Variants in AVIL observed in about 807,000 individuals in gnomAD.
AVIL encodes the protein advillin.
In AVIL, 78 loss-of-function variants were observed where a neutral mutation model predicts 109.9. That is an observed-to-expected ratio of 0.71 (90% confidence interval 0.59 to 0.86). The LOEUF is 0.86. Ranked by LOEUF, AVIL falls within the 40% of genes least tolerant of loss-of-function variation. The pLI is 0.00. For synonymous variants in AVIL, 367 were observed against 379.1 expected, an observed-to-expected ratio of 0.97 and a Z score of 0.37; for missense variants, 892 against 1,016.5, an observed-to-expected ratio of 0.88 and a Z score of 1.67.
Position 57,803,661 on chromosome 12 carries a change from A to G in AVIL, c.1680T>C (p.Ser560=), listed in dbSNP as rs751316029. 1.2e-6 allele frequency: 2 copies of G among 1,613,856 alleles called. No homozygotes were observed. The highest frequency in any genetic ancestry group is 4.5e-5 in the East Asian group (2 of 44,888). Residue 560 remains serine, a synonymous_variant, in exon 15 of 20, where the codon AGT becomes AGC. Coordinates refer to ENST00000549994, the MANE Select transcript of AVIL (RefSeq NM_006576.4). ...EHYLWYGKGS[S]GDERAMAKEL... ...CCTTAGCCATTGCCCGCTCATCCCC[A>G]CTAGACCCCTGAGAGTGGGGCGAGG...
chr12:57,803,580 C>T lies in AVIL; in HGVS notation c.1761G>A (p.Glu587=), dbSNP rs142606117. Residue 587 remains glutamate, a synonymous_variant, in exon 15 of 20, where the codon GAG becomes GAA. Transcript: ENST00000549994. ...GSENTVAEGQ[E]PAEFWDLLGG... is the part of the protein sequence containing the mutation. Reference sequence around the variant, plus strand: ...CCAGTAGGTCCCAGAACTCGGCTGGCTCCTGGCCCTCGGCCACAGTGTTCT... The same window carrying T: ...CCAGTAGGTCCCAGAACTCGGCTGGTTCCTGGCCCTCGGCCACAGTGTTCT... The T allele has an allele frequency of 0.01, 16,370 of 1,614,176 alleles. 104 individuals carry two copies. Among genetic ancestry groups the T allele is most frequent in the Non-Finnish European group, 0.013 (14,783 of 1,180,026 alleles).
chr12:57,798,010 A>C lies in AVIL; in HGVS notation c.2347-15T>G. On this transcript the variant is annotated splice_polypyrimidine_tract_variant and intron_variant, in intron 19 of 19. Coordinates refer to ENST00000549994, the MANE Select transcript of AVIL (RefSeq NM_006576.4). ...GAGAGGTAATTCTAAGAGAGAAAAC[A>C]AAGTTTCTAGTTAGAAGGAAGACAT... 6.4e-7 allele frequency: 1 copy of C among 1,557,490 alleles called. No individual in the cohort carries two copies. The highest frequency in any genetic ancestry group is 1.4e-5 in the African/African-American group (1 of 72,708).
chr12:57,806,244 G>T, intron 14 of AVIL, 116 bp downstream of exon 14: 1 of 1,106,558 alleles, frequency 9.0e-7, no homozygotes, highest in Non-Finnish European at 1.4e-6. Flanking sequence ...TAGTATATGT[G>T]CTGCCAAAGC....
intron 14 of AVIL, chr12:57,806,120 C>T: frequency 2.2e-6 from 1 of 444,620 alleles, no homozygotes; most frequent in South Asian, 2.4e-5. Context: ...CAGGGATGAG[C>T]CACCGTGCCC....
rs139933127 is a variant in AVIL, at chr12:57,802,312, C to T, written c.1999G>A (p.Glu667Lys). ...LWIGAEANAT[E>K]KESALATAQQ... is the part of the protein sequence containing the mutation. Reference sequence around the variant, plus strand: ...GCTGTGGCAAGGGCACTCTCCTTCTCCGTGGCATTGGCCTCAGCCCCAATC... The same window carrying T: ...GCTGTGGCAAGGGCACTCTCCTTCTTCGTGGCATTGGCCTCAGCCCCAATC... Residue 667 changes from glutamate (E) to lysine (K), a missense_variant, in exon 17 of 20, where the codon GAG (glutamate) becomes AAG (lysine). Physicochemically the swap from Glu to Lys is moderately conservative, Grantham distance 56. Coordinates refer to ENST00000549994, the MANE Select transcript of AVIL (RefSeq NM_006576.4). 342 of 1,613,778 alleles carry T rather than the reference C, an allele frequency of 2.1e-4. 1 individual carries two copies. The highest frequency in any genetic ancestry group is 3.5e-4 in the Admixed American group (21 of 59,948).
Position 57,808,480 on chromosome 12 carries a change from C to T in AVIL, c.1008G>A (p.Ser336=), listed in dbSNP as rs1955987855. The T allele has an allele frequency of 9.3e-6, 15 of 1,614,108 alleles. No individual in the cohort carries two copies. Among genetic ancestry groups the T allele is most frequent in the Non-Finnish European group, 1.3e-5 (15 of 1,180,020 alleles). ...TCTGGAACAGCTGCTTGAACATGGCCGACTCAGCACCATCGTTGACGGTCT... is the reference window on the plus strand; with the variant it reads ...TCTGGAACAGCTGCTTGAACATGGCTGACTCAGCACCATCGTTGACGGTCT... ...NVETVNDGAE[S]AMFKQLFQKW... Residue 336 remains serine, a synonymous_variant, in exon 10 of 20, where the codon TCG becomes TCA. Transcript: ENST00000549994.
chr12:57,813,796 T>C (rs185846581), intron 3 of AVIL, among the ~76,000 whole-genome samples: 3 of 152,332 alleles, frequency 2.0e-5, no homozygotes, highest in Admixed American at 6.5e-5. Context: ...GCACCGTTCA[T>C]GTGAGTCTCC....
At chr12:57,810,261 C>T in intron 7 of AVIL, 88 bp downstream of exon 7, 4 of 1,426,610 alleles carry the variant, frequency 2.8e-6, no homozygotes, top group Middle Eastern at 4.0e-4. Flanking sequence ...ACACCCAAAA[C>T]AAGGAGCCAA....
At chr12:57,810,756 C>T in intron 6 of AVIL, 60 bp downstream of exon 6, 1 of 1,552,356 alleles carries the variant, frequency 6.4e-7, no homozygotes. Context: ...TGGGGAAGAG[C>T]CAGCATGGAG....
intron 2 of AVIL, 76 bp downstream of exon 2, chr12:57,815,899 T>A (rs1956095801): frequency 1.2e-6 from 2 of 1,606,038 alleles, no homozygotes; most frequent in Non-Finnish European, 1.7e-6. Flanking sequence ...GGCGGGCTGT[T>A]GCCTAGCAGC....
rs780676160 is a variant in AVIL at position 57,802,339 on chromosome 12, A to C, written c.1972T>G (p.Trp658Gly). 5.6e-6 allele frequency: 9 copies of C among 1,611,402 alleles called. No homozygotes were observed. Among genetic ancestry groups the C allele is most frequent in the Non-Finnish European group, 7.6e-6 (9 of 1,178,684 alleles). ...GTGGCATTGGCCTCAGCCCCAATCC[A>C]CAAGAACACCTGTTAAGGTGGAGAT... ...LLDTWDQVFL[W>G]IGAEANATEK... Residue 658 changes from tryptophan to glycine, a missense_variant, in exon 17 of 20, where the codon TGG becomes GGG. By Grantham distance (184) the Trp-to-Gly change is radical (BLOSUM62 -2). Transcript: ENST00000549994.
chr12:57,813,375 C>T lies in AVIL; in HGVS notation c.190G>A (p.Gly64Arg), dbSNP rs772498164. 1.9e-5 allele frequency: 30 copies of T among 1,613,982 alleles called. No individual in the cohort carries two copies. Among genetic ancestry groups the T allele is most frequent in the Non-Finnish European group, 2.2e-5 (26 of 1,180,026 alleles). Reference sequence around the variant, plus strand: ...TGCTCATCCTGGGAGGAGTCCTTCCCGATCCAGAAGTGGATGTCCTGGGAT... The same window carrying T: ...TGCTCATCCTGGGAGGAGTCCTTCCTGATCCAGAAGTGGATGTCCTGGGAT... ...LLSQDIHFWI[G>R]KDSSQDEQSC... The change falls in exon 4 of 20, where the codon GGG (glycine) becomes AGG (arginine). Residue 64 changes from glycine (G) to arginine (R), a missense_variant. Physicochemically the swap from Gly to Arg is moderately radical, Grantham distance 125. Transcript: ENST00000549994.
At chr12:57,814,666 T>A (rs142759064) in intron 2 of AVIL, 1 of 165,372 alleles carries the variant, frequency 6.0e-6, no homozygotes, top group Non-Finnish European at 1.3e-5. Context: ...AACACTTGGA[T>A]TCTGTGGGGC....
intron 18 of AVIL, 76 bp downstream of exon 18, chr12:57,801,068 C>T: frequency 8.1e-7 from 1 of 1,231,336 alleles, no homozygotes; most frequent in Non-Finnish European, 1.2e-6. Flanking sequence ...TGCCTGTGAG[C>T]ATCTGTAGCA....
intron 4 of AVIL, among the ~76,000 whole-genome samples, chr12:57,811,962 C>T (rs1350504788): frequency 6.6e-6 from 1 of 152,088 alleles, no homozygotes; most frequent in African/African-American, 2.4e-5. Flanking sequence ...AACTGTTGAC[C>T]TTTTTATTTT....
intron 19 of AVIL, among the ~76,000 whole-genome samples, chr12:57,799,037 A>G (rs771024576): frequency 1.8e-4 from 27 of 152,228 alleles, no homozygotes; most frequent in African/African-American, 5.8e-4. Flanking sequence ...GAGCAAGACA[A>G]ACAAAGGTCC....
chr12:57,802,672 CTCT>C (rs1473667492), intron 16 of AVIL: 20 of 635,334 alleles, frequency 3.1e-5, no homozygotes, highest in African/African-American at 9.2e-5. Context: ...CAGGATGTAG[CTCT>C]TCTTTACTAA....
rs1565838062 is a variant in AVIL at position 57,813,209 on chromosome 12, C to G, written c.338+18G>C. ...GTAAACTGCTGTTTCTGTCCTTGCT[C>G]TGTGCACCCCTACTCACATGATGCC... On this transcript the variant is annotated intron_variant, in intron 4 of 19. Transcript: ENST00000549994. The G allele has an allele frequency of 4.4e-6, 7 of 1,590,758 alleles. No homozygotes were observed. The highest frequency in any genetic ancestry group is 6.0e-6 in the Non-Finnish European group (7 of 1,163,712).
intron 1 of AVIL, among the ~76,000 whole-genome samples, chr12:57,817,435 C>CT (rs1415659761): frequency 6.6e-6 from 1 of 151,484 alleles, no homozygotes; most frequent in Admixed American, 6.6e-5. Flanking sequence ...TGTAGCAGGA[C>CT]TAAAGCAAGG....
Sources: allele counts gnomAD v4.1 joint callset (sites outside exome capture counted in the v4.1 genomes callset), GRCh38; gene constraint gnomAD v4.1.1; transcripts MANE v1.5; gene names NCBI Gene and HGNC (gene_info 2026-07-23, HGNC 2026-07-21).